The following RPS6KA1 variants were observed in gnomAD, a reference collection of about 807,000 sequenced individuals.
The protein encoded by RPS6KA1 is ribosomal protein S6 kinase alpha-1.
A neutral mutation model predicts 91.3 loss-of-function variants in RPS6KA1; 48 were observed. The ratio of observed to expected loss-of-function variants is 0.53; its 90% confidence interval spans 0.42 to 0.67. The LOEUF is 0.67. RPS6KA1 is among the 30% of genes least tolerant of loss of function. RPS6KA1 has a pLI of 0.00. For synonymous variants in RPS6KA1, 359 were observed against 384.7 expected (o/e 0.93, Z 0.78); for missense variants, 719 against 960.5 (o/e 0.75, Z 3.32).
At chr1:26,552,979 A>C (rs1272702869) in intron 6 of RPS6KA1, 1 of 264,098 alleles carries the variant, frequency 3.8e-6, no homozygotes, top group African/African-American at 2.3e-5. Context: ...TCCTACCCCC[A>C]TTTCCTTATG....
intron 17 of RPS6KA1, among the ~76,000 whole-genome samples, chr1:26,565,118 G>T (rs1206081596): frequency 6.6e-6 from 1 of 152,154 alleles, no homozygotes; most frequent in East Asian, 1.9e-4. Flanking sequence ...AGGAGTGTAT[G>T]TGTCTCCAAA....
intron 17 of RPS6KA1, among the ~76,000 whole-genome samples, chr1:26,570,858 C>T (rs61629645): frequency 0.029 from 4,346 of 152,316 alleles, 189 homozygotes; most frequent in African/African-American, 0.099. Context: ...CGTGGTGGCT[C>T]ACGCCTGTAA....
At chr1:26,572,078 A>T in intron 19 of RPS6KA1, 98 bp from the exon 20 acceptor site, 1 of 1,307,092 alleles carries the variant, frequency 7.7e-7, no homozygotes, top group Non-Finnish European at 1.1e-6. Context: ...CTACCTTGGG[A>T]GTACCCCATC....
In RPS6KA1 at chr1:26,571,760, G is replaced by T; in HGVS notation, c.1753-89G>T. 1.3e-6 allele frequency: 2 copies of T among 1,494,606 alleles called. No homozygotes were observed. The highest frequency in any genetic ancestry group is 2.4e-5 in the South Asian group (2 of 82,968). 92.6% of individuals were successfully genotyped at this position (1,494,606 alleles called of 1,614,324 possible). A position where few individuals can be genotyped will look rare whatever the true frequency, so the allele number is the denominator to read the frequency against. ...GATCTAGCCTGTGCCTGGGACCCTTGTCCTGCCCTTGAGGGGAGTAGCAGG... is the reference window on the plus strand; with the variant it reads ...GATCTAGCCTGTGCCTGGGACCCTTTTCCTGCCCTTGAGGGGAGTAGCAGG... On this transcript the variant is annotated intron_variant, in intron 18 of 21. Transcript: ENST00000374168. The surrounding 1 kb of genome is among the most constrained non-coding windows in gnomAD (Gnocchi z 5.1).
intron 2 of RPS6KA1, among the ~76,000 whole-genome samples, chr1:26,542,176 C>T (rs1356624699): frequency 6.6e-6 from 1 of 152,214 alleles, no homozygotes; most frequent in Non-Finnish European, 1.5e-5. Flanking sequence ...CACAAAGTAG[C>T]TACCTCTCTA....
chr1:26,554,570 G>A lies in RPS6KA1; in HGVS notation c.614-26G>A, dbSNP rs1185384381. On this transcript the variant is annotated intron_variant, in intron 8 of 21. Coordinates refer to ENST00000374168, the MANE Select transcript of RPS6KA1 (RefSeq NM_002953.4). The surrounding 1 kb of genome is among the most constrained non-coding windows in gnomAD (Gnocchi z 4.6). ...GCAAGGAAGGCAGGGGTCCTAAGGT[G>A]TGTCCTCCTGCCCTCCTTGCTGTAG... 10 of 1,599,358 alleles carry A rather than the reference G, an allele frequency of 6.3e-6. No individual in the cohort carries two copies. The highest frequency in any genetic ancestry group is 8.6e-6 in the Non-Finnish European group (10 of 1,169,544).
At chr1:26,570,024 TGAG>T (rs1378192767) in intron 17 of RPS6KA1, among the ~76,000 whole-genome samples, 2 of 151,942 alleles carry the variant, frequency 1.3e-5, no homozygotes, top group African/African-American at 2.4e-5. Flanking sequence ...GATGAGAACA[TGAG>T]GAGTTTAGTG....
At chr1:26,530,043 GCGGGGCGGCCCGAAGCGC>G (rs2075856849) in intron 1 of RPS6KA1, 60 bp downstream of exon 1, 1 of 1,186,718 alleles carries the variant, frequency 8.4e-7, no homozygotes, top group African/African-American at 1.6e-5. Flanking sequence ...CCTCACAGGG[GCGGGGCGGCCCGAAGCGC>G]CGCTGCAGTC....
chr1:26,557,496 G>GC (rs1186260729), intron 13 of RPS6KA1, among the ~76,000 whole-genome samples: 1 of 152,152 alleles, frequency 6.6e-6, no homozygotes, highest in African/African-American at 2.4e-5. Flanking sequence ...AGGTGACAGT[G>GC]CCCATAGGTC....
rs186755174 is a variant in RPS6KA1, at chr1:26,556,921, G to A, written c.982-77G>A. The stretch of plus-strand genomic sequence containing the variant: ...CAATATGGCCTATGTTCCAAGCCCA[G>A]CACCTCCTCCTGCATGGGGCTCCTG... On this transcript the variant is annotated intron_variant, in intron 12 of 21. Coordinates refer to ENST00000374168, the MANE Select transcript of RPS6KA1 (RefSeq NM_002953.4). 291 of 1,280,314 alleles carry A rather than the reference G, an allele frequency of 2.3e-4. No homozygotes were observed. In the East Asian group the frequency reaches 3.4e-3, roughly 15 times the overall value. The allele number at this position is 1,280,314 out of a possible 1,614,324, so 79.3% of individuals were successfully genotyped here. A position where few individuals can be genotyped will look rare whatever the true frequency, so the allele number is the denominator to read the frequency against.
rs1239410825 is a variant in RPS6KA1 at position 26,561,470 on chromosome 1, T to C, written c.1432-35T>C. 1 of 1,613,814 alleles carries C rather than the reference T, an allele frequency of 6.2e-7. No individual in the cohort carries two copies. Among genetic ancestry groups the C allele is most frequent in the South Asian group, 1.1e-5 (1 of 91,066 alleles). ...TGACCAGGGGGCTCAGGCCTGACAC[T>C]GGGGAGAAGAGCCTGATGGTGAGGT... is the stretch of plus-strand genomic sequence containing the variant. On this transcript the variant is annotated intron_variant, in intron 16 of 21. Transcript: ENST00000374168. This position sits in a 1 kb window ranked among gnomAD's most constrained non-coding sequence, Gnocchi z 5.7.
intron 6 of RPS6KA1, among the ~76,000 whole-genome samples, chr1:26,552,548 G>A (rs1485619406): frequency 7.0e-6 from 1 of 143,702 alleles, no homozygotes; most frequent in African/African-American, 2.6e-5. Flanking sequence ...GTGCACTGGT[G>A]GGGTCTCAGC....
rs759971214 is a variant in RPS6KA1, at chr1:26,573,191, CT to C, written c.1948-32del. 15 of 1,609,676 alleles carry C rather than the reference CT, an allele frequency of 9.3e-6. No homozygotes were observed. The East Asian group carries it at 3.3e-4, about 36-fold the overall frequency. On this transcript the variant is annotated intron_variant, in intron 20 of 21. Coordinates refer to ENST00000374168, the MANE Select transcript of RPS6KA1 (RefSeq NM_002953.4). ...ATCAGGGGCCTGCTCCCCTGCAGCC[CT>C]CCCCCAACCCCCTTGCCCACTGTGT...
chr1:26,535,432 G>A (rs1007523016), intron 1 of RPS6KA1, among the ~76,000 whole-genome samples: 2 of 152,162 alleles, frequency 1.3e-5, no homozygotes, highest in East Asian at 3.9e-4. Context: ...ATCCAGACCT[G>A]TTCTAGAGCA....
intron 1 of RPS6KA1, chr1:26,530,936 T>A: frequency 8.3e-7 from 1 of 1,198,946 alleles, no homozygotes; most frequent in Non-Finnish European, 1.1e-6. Flanking sequence ...TTGTTGGGGG[T>A]ATGCAGGGAG....
chr1:26,573,212 CTG>C lies in RPS6KA1; in HGVS notation c.1948-8_1948-7del. The C allele has an allele frequency of 6.2e-7, 1 of 1,613,586 alleles. No individual in the cohort carries two copies. The highest frequency in any genetic ancestry group is 8.5e-7 in the Non-Finnish European group (1 of 1,179,790). ...AGCCCTCCCCCAACCCCCTTGCCCA[CTG>C]TGTCCCCAGGACCTGGTGTCCAAGA... On this transcript the variant is annotated splice_polypyrimidine_tract_variant and intron_variant, in intron 20 of 21. Coordinates refer to ENST00000374168, the MANE Select transcript of RPS6KA1 (RefSeq NM_002953.4).
At position 26,558,546 on chromosome 1, in the gene RPS6KA1, A is replaced by G. The variant is rs1570449031; in HGVS notation, c.1085-261A>G. Among the ~76,000 whole-genome samples the G allele has an allele frequency of 6.6e-6, 1 of 152,350 alleles. No individual in the cohort carries two copies. The highest frequency in any genetic ancestry group is 1.5e-5 in the Non-Finnish European group (1 of 68,022). Reference sequence around the variant, plus strand: ...TGGGGAAGCTGGGGAGGAAGCATCCAGGAAGGGATGAACTGTCTTGGCCTG... The same window carrying G: ...TGGGGAAGCTGGGGAGGAAGCATCCGGGAAGGGATGAACTGTCTTGGCCTG... On this transcript the variant is annotated intron_variant, in intron 13 of 21. Transcript: ENST00000374168. The surrounding 1 kb of genome is among the most constrained non-coding windows in gnomAD (Gnocchi z 4.0).
At chr1:26,537,927 G>A (rs1042786622) in intron 2 of RPS6KA1, among the ~76,000 whole-genome samples, 2 of 152,218 alleles carry the variant, frequency 1.3e-5, no homozygotes, top group African/African-American at 4.8e-5. Context: ...TGCCAGCACC[G>A]AAAATGTCCT....
chr1:26,558,698 G>T lies in RPS6KA1; in HGVS notation c.1085-109G>T. ...AGGCCCTCTGCAGGCTCCCGCCACG[G>T]CCAGCCCCTGAGGCAGGTCTGGAGG... On this transcript the variant is annotated intron_variant, in intron 13 of 21. Transcript: ENST00000374168. This position sits in a 1 kb window ranked among gnomAD's most constrained non-coding sequence, Gnocchi z 4.0. The T allele has an allele frequency of 3.0e-6, 4 of 1,348,052 alleles. No homozygotes were observed. Among genetic ancestry groups the T allele is most frequent in the Non-Finnish European group, 4.1e-6 (4 of 979,746 alleles). 83.5% of individuals were successfully genotyped at this position (1,348,052 alleles called of 1,614,324 possible).
Sources: allele counts gnomAD v4.1 joint callset (sites outside exome capture counted in the v4.1 genomes callset), GRCh38; gene constraint gnomAD v4.1.1; non-coding constraint Gnocchi (gnomAD v3.1); transcripts MANE v1.5; gene names NCBI Gene and HGNC (gene_info 2026-07-23, HGNC 2026-07-21).